The following MAGI1 variants were observed in gnomAD, a reference collection of about 807,000 sequenced individuals.
MAGI1 encodes the protein membrane-associated guanylate kinase, WW and PDZ domain-containing protein 1.
In MAGI1, 58 loss-of-function variants were observed where a neutral mutation model predicts 139.9. The observed-to-expected ratio is 0.41, with a 90% CI of 0.34 to 0.52. MAGI1 has a LOEUF of 0.52. Ranked by LOEUF, MAGI1 falls within the 20% of genes least tolerant of loss-of-function variation. MAGI1 has a pLI of 0.12. For missense variants in MAGI1, 1,874 were observed against 1,901.6 expected, an observed-to-expected ratio of 0.99 and a Z score of 0.27; for synonymous variants, 812 against 737.9, an observed-to-expected ratio of 1.10 and a Z score of -1.63.
rs575295032 is a variant in MAGI1 at position 66,032,472 on chromosome 3, G to A, written c.313+5524C>T. 1.5e-4 allele frequency among the ~76,000 whole-genome samples: 22 copies of A among 146,796 alleles called. No individual in the cohort carries two copies. In the East Asian group the frequency reaches 3.3e-3, roughly 22 times the overall value. On this transcript the variant is annotated intron_variant, in intron 1 of 22. Coordinates refer to ENST00000402939, the MANE Select transcript of MAGI1 (RefSeq NM_001033057.2). ...CCTGACCTTGTGATCCACCCACCTCGGCCTCCCAAAGTGCTGGGATTACAG... is the reference window on the plus strand; with the variant it reads ...CCTGACCTTGTGATCCACCCACCTCAGCCTCCCAAAGTGCTGGGATTACAG...
At position 65,610,354 on chromosome 3, in the gene MAGI1, G is replaced by A. The variant is rs141049303; in HGVS notation, c.430+11618C>T. On this transcript the variant is annotated intron_variant, in intron 2 of 22. Transcript: ENST00000402939. ...GGGGAAAAAGCCATCTAGATTCCCA[G>A]AATTAGCTAGGGTCAGGCAGGCAAC... Among the ~76,000 whole-genome samples, 625 of 152,210 alleles carry A rather than the reference G, an allele frequency of 4.1e-3. 2 individuals carry two copies. The highest frequency in any genetic ancestry group is 5.9e-3 in the Non-Finnish European group (404 of 68,006).
intron 1 of MAGI1, among the ~76,000 whole-genome samples, chr3:65,910,855 C>CTTTTTCTTTTTTTTT (rs2061634234): frequency 1.7e-5 from 1 of 59,484 alleles, no homozygotes; most frequent in Non-Finnish European, 2.7e-5. Context: ...ACATGGTGGA[C>CTTTTTCTTTTTTTTT]TTTTTTTTTT....
intron 1 of MAGI1, among the ~76,000 whole-genome samples, chr3:65,799,905 G>C (rs571952153): frequency 7.2e-5 from 11 of 151,896 alleles, no homozygotes; most frequent in Non-Finnish European, 1.3e-4. Flanking sequence ...GAAGATGTCT[G>C]GAAGTTGAAA....
intron 1 of MAGI1, among the ~76,000 whole-genome samples, chr3:65,947,898 T>C (rs1248182343): frequency 6.6e-6 from 1 of 151,172 alleles, no homozygotes; most frequent in African/African-American, 2.4e-5. Flanking sequence ...ATTACAGGCA[T>C]TGAGCAACTG....
intron 1 of MAGI1, among the ~76,000 whole-genome samples, chr3:65,916,717 T>A (rs776581154): frequency 3.9e-5 from 6 of 152,060 alleles, no homozygotes; most frequent in Non-Finnish European, 8.8e-5. Context: ...AGATTACAGA[T>A]GTGAGCTACT....
chr3:65,874,972 C>T (rs1327276182), intron 1 of MAGI1: 6 of 152,570 alleles, frequency 3.9e-5, no homozygotes, highest in African/African-American at 1.4e-4. Flanking sequence ...AATCCCAGCA[C>T]TCTAGGAGGC....
intron 1 of MAGI1, among the ~76,000 whole-genome samples, chr3:65,751,866 A>G (rs1470417217): frequency 2.6e-5 from 4 of 152,190 alleles, no homozygotes; most frequent in African/African-American, 9.7e-5. Flanking sequence ...TCTTTATTCT[A>G]TTCTTTTACA....
chr3:65,551,964 A>G (rs952824976), intron 2 of MAGI1, among the ~76,000 whole-genome samples: 3 of 152,244 alleles, frequency 2.0e-5, no homozygotes, highest in Non-Finnish European at 1.5e-5. Flanking sequence ...CCTGATGCTG[A>G]TAAGAGGCAG....
intron 10 of MAGI1, among the ~76,000 whole-genome samples, chr3:65,432,058 C>T (rs1355462534): frequency 2.6e-5 from 4 of 152,072 alleles, no homozygotes; most frequent in Non-Finnish European, 4.4e-5. Context: ...TCCAAACATG[C>T]TACCTAAGGT....
At chr3:65,942,807 G>T (rs893870967) in intron 1 of MAGI1, among the ~76,000 whole-genome samples, 1 of 152,290 alleles carries the variant, frequency 6.6e-6, no homozygotes, top group East Asian at 1.9e-4. Flanking sequence ...GATAACAAGA[G>T]GTTGGGAGTT....
intron 1 of MAGI1, among the ~76,000 whole-genome samples, chr3:65,863,705 C>G (rs913189032): frequency 1.3e-5 from 2 of 152,130 alleles, no homozygotes; most frequent in African/African-American, 4.8e-5. Flanking sequence ...ATCCATCCAT[C>G]AAAATGGATA....
intron 1 of MAGI1, among the ~76,000 whole-genome samples, chr3:65,763,590 G>A (rs2037214991): frequency 6.6e-6 from 1 of 151,888 alleles, no homozygotes; most frequent in Non-Finnish European, 1.5e-5. Context: ...AAAAAATAAT[G>A]TTCCCAAGTC....
intron 2 of MAGI1, among the ~76,000 whole-genome samples, chr3:65,600,200 G>C (rs2082414121): frequency 6.6e-6 from 1 of 152,116 alleles, no homozygotes; most frequent in African/African-American, 2.4e-5. Context: ...TCTTTTGCAA[G>C]GAATCTGCAT....
chr3:65,401,824 C>T, intron 12 of MAGI1: 1 of 1,291,704 alleles, frequency 7.7e-7, no homozygotes, highest in Non-Finnish European at 9.9e-7. Context: ...ACAATTAAGT[C>T]CAGGTTATTT....
In MAGI1 at chr3:65,819,048, A is replaced by G. The variant is rs149783421; in HGVS notation, c.314-196960T>C. Reference sequence around the variant, plus strand: ...TGCTTTGTAATCCCAACACTTTGGGAGGCTGAGGAGGGCGGATTACAAGGT... The same window carrying G: ...TGCTTTGTAATCCCAACACTTTGGGGGGCTGAGGAGGGCGGATTACAAGGT... On this transcript the variant is annotated intron_variant, in intron 1 of 22. Coordinates refer to ENST00000402939, the MANE Select transcript of MAGI1 (RefSeq NM_001033057.2). Among the ~76,000 whole-genome samples the G allele has an allele frequency of 2.6e-3, 398 of 152,292 alleles. 1 individual carries two copies. The highest frequency in any genetic ancestry group is 4.1e-3 in the Non-Finnish European group (281 of 68,024).
chr3:65,889,109 G>C (rs1161642197), intron 1 of MAGI1, among the ~76,000 whole-genome samples: 2 of 152,156 alleles, frequency 1.3e-5, no homozygotes, highest in Non-Finnish European at 2.9e-5. Flanking sequence ...CTAATATTAA[G>C]TAAGCATCTG....
Position 65,439,921 on chromosome 3 carries a change from G to C in MAGI1, c.1228C>G (p.Gln410Glu). The C allele has an allele frequency of 6.2e-7, 1 of 1,610,728 alleles. No individual in the cohort carries two copies. Among genetic ancestry groups the C allele is most frequent in the Non-Finnish European group, 8.5e-7 (1 of 1,177,700 alleles). Residue 410 changes from glutamine (Q) to glutamate (E), a missense_variant, in exon 9 of 23, where the codon CAG (glutamine) becomes GAG (glutamate). Physicochemically the swap from Gln to Glu is conservative, Grantham distance 29. Transcript: ENST00000402939. The stretch of plus-strand genomic sequence containing the variant: ...TGCTGCTGCTGCTGCTGCTGTTGCT[G>C]CTGCTGTTGCTGCTGCTGCTGCTGC... ...LEQQQQQQQQ[Q>E]QQQQQQQQQQ...
At chr3:65,910,411 T>C (rs2061607465) in intron 1 of MAGI1, among the ~76,000 whole-genome samples, 1 of 152,196 alleles carries the variant, frequency 6.6e-6, no homozygotes, top group South Asian at 2.1e-4. Flanking sequence ...GTCTTTCAAA[T>C]GCATATTCCA....
chr3:65,943,761 G>A (rs2063429322), intron 1 of MAGI1, among the ~76,000 whole-genome samples: 1 of 152,090 alleles, frequency 6.6e-6, no homozygotes, highest in Non-Finnish European at 1.5e-5. Context: ...CTTTAGATGA[G>A]TATTCCAAGA....
Sources: gnomAD v4.1 joint callset for allele counts (sites outside exome capture counted in the v4.1 genomes callset) on GRCh38, gnomAD v4.1.1 for gene constraint, MANE v1.5 for transcripts, NCBI Gene and HGNC (gene_info 2026-07-23, HGNC 2026-07-21) for gene names.